The following PRDM2 variants were observed in gnomAD, a reference collection of about 807,000 sequenced individuals.
The protein encoded by PRDM2 is PR/SET domain 2.
In PRDM2, 30 loss-of-function variants were observed where a neutral mutation model predicts 130.0. The observed-to-expected ratio is 0.23, with a 90% CI of 0.17 to 0.31. The LOEUF (loss-of-function observed/expected upper bound fraction) is 0.31. Ranked by LOEUF, PRDM2 falls within the 10% of genes least tolerant of loss-of-function variation. PRDM2 has a pLI of 1.00. For synonymous variants in PRDM2, 871 were observed against 782.4 expected, an observed-to-expected ratio of 1.11 and a Z score of -1.89; for missense variants, 2,011 against 2,108.4, an observed-to-expected ratio of 0.95 and a Z score of 0.90.
intron 8 of PRDM2, among the ~76,000 whole-genome samples, chr1:13,784,342 T>A (rs1213957284): frequency 6.6e-6 from 1 of 152,218 alleles, no homozygotes; most frequent in Admixed American, 6.5e-5. Context: ...TTCAAGTTGC[T>A]TGTGTCTTCA....
At chr1:13,808,575 A>T (rs1645122875) in intron 8 of PRDM2, among the ~76,000 whole-genome samples, 1 of 151,804 alleles carries the variant, frequency 6.6e-6, no homozygotes, top group South Asian at 2.1e-4. Flanking sequence ...ATGGAGGAGC[A>T]TCTTGGGGAG....
chr1:13,795,139 G>C (rs912931713), intron 8 of PRDM2, among the ~76,000 whole-genome samples: 2 of 152,126 alleles, frequency 1.3e-5, no homozygotes. Context: ...ATTTTTAAAA[G>C]GTAAGTTAAG....
intron 1 of PRDM2, among the ~76,000 whole-genome samples, chr1:13,702,144 G>A (rs531479808): frequency 7.2e-5 from 11 of 152,086 alleles, no homozygotes; most frequent in African/African-American, 1.7e-4. Context: ...GTGGATATGC[G>A]TATTTCTTTC....
In PRDM2 at chr1:13,781,759, A is replaced by G. The variant is rs1644618076; in HGVS notation, c.3964A>G (p.Thr1322Ala). Residue 1322 changes from threonine (T) to alanine (A), a missense_variant, in exon 8 of 10, where the codon ACA becomes GCA. Physicochemically the swap from Thr to Ala is moderately conservative, Grantham distance 58. Coordinates refer to ENST00000311066, the MANE Select transcript of PRDM2 (RefSeq NM_001393986.1). The surrounding 1 kb of genome is among the most constrained non-coding windows in gnomAD (Gnocchi z 6.1). ...GIGVTATNFT[T>A]HNIPQTFTTA... ...TGGTGTGACAGCCACAAATTTCACT[A>G]CACACAATATTCCACAGACTTTCAC... 6.2e-7 allele frequency: 1 copy of G among 1,614,116 alleles called. No individual in the cohort carries two copies. The highest frequency in any genetic ancestry group is 1.1e-5 in the South Asian group (1 of 91,092).
At chr1:13,735,649 C>T (rs1643245422) in intron 4 of PRDM2, among the ~76,000 whole-genome samples, 1 of 152,200 alleles carries the variant, frequency 6.6e-6, no homozygotes, top group Non-Finnish European at 1.5e-5. Context: ...CACACATGCA[C>T]TGCCTTCCCC....
intron 6 of PRDM2, among the ~76,000 whole-genome samples, chr1:13,770,052 G>A (rs1386883802): frequency 2.0e-5 from 3 of 152,154 alleles, no homozygotes; most frequent in Admixed American, 6.5e-5. Context: ...TTCATGCTGC[G>A]GTTGAGGCGC....
In PRDM2 at chr1:13,790,399, A is replaced by T. The variant is rs565909930; in HGVS notation, c.5036+7568A>T. Among the ~76,000 whole-genome samples, 39 of 152,214 alleles carry T rather than the reference A, an allele frequency of 2.6e-4. 2 individuals are homozygous for T. In the South Asian group the frequency reaches 8.1e-3, roughly 32 times the overall value. ...GGGCATCAGGGTTATTCTGAAGCCA[A>T]TCCTGAGCCGTGTCCACTTGGTGGA... On this transcript the variant is annotated intron_variant, in intron 8 of 9. Coordinates refer to ENST00000311066, the MANE Select transcript of PRDM2 (RefSeq NM_001393986.1).
rs372901069 is a variant in PRDM2, at chr1:13,731,056, G to T, written c.66G>T (p.Val22=). Residue 22 remains valine, a synonymous_variant, in exon 3 of 10, where the codon GTG becomes GTT. Coordinates refer to ENST00000311066, the MANE Select transcript of PRDM2 (RefSeq NM_001393986.1). ...CCCTGGCTGAGGTACCCGAACATGT[G>T]CTGCGAGGACTTCCGGAGGAAGTGA... ...TETLAEVPEH[V]LRGLPEEVRL... 110 of 1,612,866 alleles carry T rather than the reference G, an allele frequency of 6.8e-5. No homozygotes were observed. In the African/African-American group the frequency reaches 1.4e-3, roughly 20 times the overall value.
At chr1:13,802,013 G>T (rs1570090330) in intron 8 of PRDM2, among the ~76,000 whole-genome samples, 1 of 152,236 alleles carries the variant, frequency 6.6e-6, no homozygotes, top group African/African-American at 2.4e-5. Context: ...GGCTCCTCGT[G>T]TGTAAGGTAG....
intron 8 of PRDM2, among the ~76,000 whole-genome samples, chr1:13,813,295 T>G (rs1645203354): frequency 6.6e-6 from 1 of 152,182 alleles, no homozygotes; most frequent in Non-Finnish European, 1.5e-5. Context: ...ACTGCTACTG[T>G]GCCCTGGAGA....
chr1:13,714,603 G>T (rs867023088), intron 1 of PRDM2, among the ~76,000 whole-genome samples: 1 of 152,318 alleles, frequency 6.6e-6, no homozygotes, highest in East Asian at 1.9e-4. Context: ...AAAACAGTGG[G>T]TAGGCAGTAG....
At chr1:13,764,442 CCA>C (rs1424569553) in intron 6 of PRDM2, among the ~76,000 whole-genome samples, 2 of 152,184 alleles carry the variant, frequency 1.3e-5, no homozygotes, top group African/African-American at 4.8e-5. Flanking sequence ...TTTGTTCATG[CCA>C]CAACACTTTT....
chr1:13,787,343 TAG>T (rs1476811225), intron 8 of PRDM2: 1 of 984,854 alleles, frequency 1.0e-6, no homozygotes, highest in Non-Finnish European at 1.2e-6. Context: ...GCATCTCTAA[TAG>T]AGATTAAAAA....
intron 6 of PRDM2, among the ~76,000 whole-genome samples, chr1:13,756,871 A>G (rs139019081): frequency 8.5e-5 from 13 of 152,328 alleles, no homozygotes; most frequent in African/African-American, 2.6e-4. Context: ...GTTGAGATCC[A>G]TATCCTCATT....
At chr1:13,702,322 A>G (rs2100370156) in intron 1 of PRDM2, among the ~76,000 whole-genome samples, 1 of 152,270 alleles carries the variant, frequency 6.6e-6, no homozygotes, top group Non-Finnish European at 1.5e-5. Flanking sequence ...TAATATGTGG[A>G]TGGGCCGTAA....
chr1:13,822,828 T>C (rs2100779321), intron 9 of PRDM2, among the ~76,000 whole-genome samples: 1 of 152,280 alleles, frequency 6.6e-6, no homozygotes, highest in South Asian at 2.1e-4. Flanking sequence ...ATTGACCCTA[T>C]TTATTTAACT....
intron 7 of PRDM2, among the ~76,000 whole-genome samples, chr1:13,774,149 A>C (rs1160598670): frequency 6.6e-6 from 1 of 152,242 alleles, no homozygotes; most frequent in African/African-American, 2.4e-5. Flanking sequence ...TAAGAATCCA[A>C]CCAAGAGGCA....
chr1:13,787,674 C>T (rs1421568266), intron 8 of PRDM2: 21 of 980,196 alleles, frequency 2.1e-5, no homozygotes, highest in Non-Finnish European at 2.4e-5. Flanking sequence ...TTGTTTTGGA[C>T]GCTTCAATTG....
At chr1:13,703,998 G>A (rs1404027230) in intron 1 of PRDM2, among the ~76,000 whole-genome samples, 1 of 152,202 alleles carries the variant, frequency 6.6e-6, no homozygotes, top group Non-Finnish European at 1.5e-5. Flanking sequence ...AAAACATGCA[G>A]CATTAATGCA....
Sources: allele counts gnomAD v4.1 joint callset (sites outside exome capture counted in the v4.1 genomes callset), GRCh38; gene constraint gnomAD v4.1.1; non-coding constraint Gnocchi (gnomAD v3.1); transcripts MANE v1.5; gene names NCBI Gene and HGNC (gene_info 2026-07-23, HGNC 2026-07-21).